RCC2: variants seen among roughly 807,000 people sequenced by gnomAD.
The protein encoded by RCC2 is protein RCC2.
Under a neutral mutation model 64.1 loss-of-function variants are expected in RCC2, and 19 were observed. The observed-to-expected ratio is 0.30, with a 90% CI of 0.21 to 0.44. RCC2 has a LOEUF of 0.44. Ranked by LOEUF, RCC2 falls within the 20% of genes least tolerant of loss-of-function variation. The pLI is 1.00. For synonymous variants in RCC2, 325 were observed against 279.6 expected, an observed-to-expected ratio of 1.16 and a Z score of -1.62; for missense variants, 508 against 710.4, an observed-to-expected ratio of 0.72 and a Z score of 3.24.
At position 17,408,731 on chromosome 1, in the gene RCC2, T is replaced by G. The variant is rs1357266369; in HGVS notation, c.*359A>C. On this transcript the variant is annotated 3_prime_UTR_variant, in exon 13 of 13. Coordinates refer to ENST00000375436, the MANE Select transcript of RCC2 (RefSeq NM_018715.4). ...CATCTGCTTGGATCACGATGCTAAT[T>G]GTAACTGGAAAGGGGTGTTTTGGGG... The G allele has an allele frequency of 5.2e-6, 1 of 194,144 alleles. No individual in the cohort carries two copies. The highest frequency in any genetic ancestry group is 1.0e-5 in the Non-Finnish European group (1 of 95,266). 12.0% of individuals were successfully genotyped at this position (194,144 alleles called of 1,614,324 possible).
At position 17,409,126 on chromosome 1, in the gene RCC2, G is replaced by C. The variant is rs763532528; in HGVS notation, c.1533C>G (p.Ile511Met). ...RDESETEKEK[I>M]KKLPEYNPRT... The stretch of plus-strand genomic sequence containing the variant: ...GGGGGTTGTATTCTGGCAGTTTCTT[G>C]ATCTTCTCTTTCTCAGTCTCACTTT... Residue 511 changes from isoleucine (I) to methionine (M), a missense_variant, in exon 13 of 13, where the codon ATC (isoleucine) becomes ATG (methionine). Ile to Met is a conservative substitution (Grantham distance 10, BLOSUM62 1). Coordinates refer to ENST00000375436, the MANE Select transcript of RCC2 (RefSeq NM_018715.4). 4.3e-6 allele frequency: 7 copies of C among 1,614,052 alleles called. No homozygotes were observed. The highest frequency in any genetic ancestry group is 3.4e-6 in the Non-Finnish European group (4 of 1,179,930).
Position 17,415,854 on chromosome 1 carries a change from A to G in RCC2, c.1026+626T>C, listed in dbSNP as rs551448132. ...GAGGCCGAGGTGGGCAGATCACCTG[A>G]GGTCAGGAGTTTGAGACCAGCCTGA... On this transcript the variant is annotated intron_variant, in intron 8 of 12. Coordinates refer to ENST00000375436, the MANE Select transcript of RCC2 (RefSeq NM_018715.4). Among the ~76,000 whole-genome samples the G allele has an allele frequency of 1.3e-4, 19 of 151,968 alleles. 2 individuals carry two copies. In the South Asian group the frequency reaches 3.5e-3, roughly 28 times the overall value.
In RCC2 at chr1:17,439,256, C is replaced by G. The variant is rs558344524; in HGVS notation, c.-9+289G>C. ...CCCCTTGCCGGCCGTGCGGCCCGGC[C>G]GGTCTCCGATTCGACTGCAAAGTGT... On this transcript the variant is annotated intron_variant, in intron 1 of 12. Coordinates refer to ENST00000375436, the MANE Select transcript of RCC2 (RefSeq NM_018715.4). Among the ~76,000 whole-genome samples, 5 of 151,732 alleles carry G rather than the reference C, an allele frequency of 3.3e-5. No homozygotes were observed. The East Asian group carries it at 5.9e-4, about 18-fold the overall frequency.
At position 17,437,851 on chromosome 1, in the gene RCC2, C is replaced by G. The variant is rs3121621; in HGVS notation, c.285+379G>C. Among the ~76,000 whole-genome samples, 115 of 146,032 alleles carry G rather than the reference C, an allele frequency of 7.9e-4. 1 individual carries two copies. The highest frequency in any genetic ancestry group is 2.6e-3 in the African/African-American group (104 of 40,728). ...GGGGCCCGCTGGCCGCCCCCTCTTC[C>G]AGGCCGGGCGAACTTACCGAGGTCC... On this transcript the variant is annotated intron_variant, in intron 2 of 12. Coordinates refer to ENST00000375436, the MANE Select transcript of RCC2 (RefSeq NM_018715.4).
chr1:17,437,717 A>G (rs2075752576), intron 2 of RCC2, among the ~76,000 whole-genome samples: 1 of 974 alleles, frequency 1.0e-3, no homozygotes, highest in South Asian at 0.028. Flanking sequence ...CGGGCGCCGG[A>G]GCCGAGGCGG....
At chr1:17,422,161 G>A (rs2075562982) in intron 6 of RCC2, 42 bp downstream of exon 6, 12 of 1,414,502 alleles carry the variant, frequency 8.5e-6, no homozygotes, top group Non-Finnish European at 1.2e-5. Flanking sequence ...CAAAAGTAAA[G>A]AGAAACAAAA....
chr1:17,431,359 A>AAAAAAAATAT, intron 2 of RCC2, among the ~76,000 whole-genome samples: 1 of 44,932 alleles, frequency 2.2e-5, no homozygotes, highest in East Asian at 6.1e-4. Context: ...AAAAAAAAAA[A>AAAAAAAATAT]ATATATATAT....
chr1:17,417,749 TCCCCCTCCATACGGCACG>T (rs1006818075), intron 7 of RCC2, among the ~76,000 whole-genome samples: 1 of 151,844 alleles, frequency 6.6e-6, no homozygotes, highest in Non-Finnish European at 1.5e-5. Flanking sequence ...TTGTGGCTAA[TCCCCCTCCATACGGCACG>T]CTGGTGTGCA....
intron 2 of RCC2, among the ~76,000 whole-genome samples, chr1:17,432,949 C>T (rs753084564): frequency 2.3e-4 from 35 of 151,816 alleles, no homozygotes; most frequent in Non-Finnish European, 4.3e-4. Flanking sequence ...AAGAGCGAGA[C>T]TCCATCTTAA....
intron 11 of RCC2, 127 bp from the exon 12 acceptor site, chr1:17,410,178 C>T: frequency 1.3e-6 from 1 of 772,100 alleles, no homozygotes; most frequent in South Asian, 1.6e-5. Context: ...TGGCCCATGA[C>T]AAGCCCGGCC....
intron 7 of RCC2, among the ~76,000 whole-genome samples, chr1:17,419,025 T>C (rs937281882): frequency 6.6e-6 from 1 of 152,176 alleles, no homozygotes; most frequent in African/African-American, 2.4e-5. Flanking sequence ...CGGGCTTCCC[T>C]GTCCCTCTAG....
chr1:17,439,033 C>A (rs751748283), intron 1 of RCC2, among the ~76,000 whole-genome samples: 36 of 151,808 alleles, frequency 2.4e-4, no homozygotes, highest in Admixed American at 3.9e-4. Context: ...CGCTCTCCCC[C>A]ACCCCGCATC....
chr1:17,418,907 A>T (rs2075520501), intron 7 of RCC2, among the ~76,000 whole-genome samples: 1 of 152,204 alleles, frequency 6.6e-6, no homozygotes, highest in Admixed American at 6.5e-5. Context: ...CCCAGACAGG[A>T]GAGGAGGCAC....
At chr1:17,422,966 A>AC in intron 4 of RCC2, 130 bp from the exon 5 acceptor site, 2 of 1,218,310 alleles carry the variant, frequency 1.6e-6, no homozygotes, top group Non-Finnish European at 1.2e-6. Flanking sequence ...CAAATTCCCA[A>AC]CAGCCAAGAT....
chr1:17,417,563 G>A (rs1480245342), intron 7 of RCC2, among the ~76,000 whole-genome samples: 2 of 152,112 alleles, frequency 1.3e-5, no homozygotes, highest in Non-Finnish European at 2.9e-5. Flanking sequence ...GGTGCCTATA[G>A]TCCAGCTACT....
Position 17,416,600 on chromosome 1 carries a change from C to T in RCC2, c.906G>A (p.Glu302=), listed in dbSNP as rs375836192. The change falls in exon 8 of 13, where the codon GAG becomes GAA. Residue 302 remains glutamate (E), a synonymous_variant. Coordinates refer to ENST00000375436, the MANE Select transcript of RCC2 (RefSeq NM_018715.4). ...GKFIARAQRI[E]YDCELVPRRV... ...GCCGGGGAACTAGTTCACAGTCGTA[C>T]TCTATCCGCTGTGCCCGGGCGATGA... 3 of 1,614,020 alleles carry T rather than the reference C, an allele frequency of 1.9e-6. No individual in the cohort carries two copies. Among genetic ancestry groups the T allele is most frequent in the Non-Finnish European group, 1.7e-6 (2 of 1,180,026 alleles).
intron 7 of RCC2, among the ~76,000 whole-genome samples, chr1:17,417,558 C>CT (rs2100363094): frequency 6.6e-6 from 1 of 152,210 alleles, no homozygotes; most frequent in African/African-American, 2.4e-5. Flanking sequence ...TGGTGGGTGC[C>CT]TATAGTCCAG....
chr1:17,438,662 G>T (rs780395598), intron 1 of RCC2, 140 bp from the exon 2 acceptor site: 4 of 822,208 alleles, frequency 4.9e-6, no homozygotes, highest in Non-Finnish European at 4.8e-6. Flanking sequence ...GGCGGAGAGG[G>T]GGCGAGTTGG....
chr1:17,427,940 A>C (rs1218466427), intron 3 of RCC2, among the ~76,000 whole-genome samples: 2 of 152,204 alleles, frequency 1.3e-5, no homozygotes, highest in Admixed American at 6.5e-5. Context: ...GTCTGGTCCC[A>C]ATCACAGAGC....
Sources: gnomAD v4.1 joint callset for allele counts (sites outside exome capture counted in the v4.1 genomes callset) on GRCh38, gnomAD v4.1.1 for gene constraint, MANE v1.5 for transcripts, NCBI Gene and HGNC (gene_info 2026-07-23, HGNC 2026-07-21) for gene names.